The following RGS6 variants were observed in gnomAD, a reference collection of about 807,000 sequenced individuals.
RGS6 encodes the protein regulator of G-protein signaling 6.
A neutral mutation model predicts 78.5 loss-of-function variants in RGS6; 30 were observed. The ratio of observed to expected loss-of-function variants is 0.38; its 90% CI spans 0.29 to 0.52. The LOEUF is 0.52. RGS6 is among the 20% of genes least tolerant of loss of function. RGS6 has a pLI of 0.85. For synonymous variants in RGS6, 206 were observed against 206.0 expected (o/e 1.00, Z 0.00); for missense variants, 495 against 609.7 (o/e 0.81, Z 1.98).
chr14:72,068,093 G>A (rs1472459254), intron 2 of RGS6, among the ~76,000 whole-genome samples: 1 of 151,856 alleles, frequency 6.6e-6, no homozygotes, highest in African/African-American at 2.4e-5. Flanking sequence ...GGGAAAGTGA[G>A]CCCAGATTAC....
intron 2 of RGS6, among the ~76,000 whole-genome samples, chr14:72,147,975 C>CA (rs1264018993): frequency 1.3e-5 from 2 of 151,764 alleles, no homozygotes; most frequent in African/African-American, 2.4e-5. Flanking sequence ...ACTAAAAATA[C>CA]AAAAAATTAG....
chr14:72,058,442 A>C lies in RGS6; in HGVS notation c.84+93567A>C, dbSNP rs1359430482. The stretch of plus-strand genomic sequence containing the variant: ...ATGGTTATTTATCAACATTAAAAAC[A>C]TTCTTTTATATCCATTAATTAATTT... On this transcript the variant is annotated intron_variant, in intron 2 of 17. Coordinates refer to ENST00000553525, the MANE Select transcript of RGS6 (RefSeq NM_001204424.2). Among the ~76,000 whole-genome samples the C allele has an allele frequency of 2.0e-5, 3 of 152,164 alleles. No individual in the cohort carries two copies. In the East Asian group the frequency reaches 5.8e-4, roughly 29 times the overall value.
intron 3 of RGS6, among the ~76,000 whole-genome samples, chr14:72,425,374 A>G (rs1393680412): frequency 6.6e-6 from 1 of 152,152 alleles, no homozygotes; most frequent in African/African-American, 2.4e-5. Flanking sequence ...CCTGACCTCA[A>G]ATGACCCACC....
At chr14:72,263,873 C>T (rs947084445) in intron 2 of RGS6, among the ~76,000 whole-genome samples, 2 of 152,202 alleles carry the variant, frequency 1.3e-5, no homozygotes, top group African/African-American at 4.8e-5. Flanking sequence ...CCTAATGTCA[C>T]CCATCTCATG....
At chr14:72,448,273 A>G (rs1400585129) in intron 3 of RGS6, among the ~76,000 whole-genome samples, 4 of 152,204 alleles carry the variant, frequency 2.6e-5, no homozygotes, top group Non-Finnish European at 5.9e-5. Flanking sequence ...CTTGGTAAGC[A>G]AGTGAGTGTG....
In RGS6 at chr14:72,474,609, G is replaced by T. The variant is rs371502858; in HGVS notation, c.619-16G>T. The T allele has an allele frequency of 3.5e-6, 5 of 1,414,938 alleles. No individual in the cohort carries two copies. The highest frequency in any genetic ancestry group is 2.6e-5 in the East Asian group (1 of 39,032). The allele number at this position is 1,414,938 out of a possible 1,614,324, so 87.6% of individuals were successfully genotyped here. On this transcript the variant is annotated splice_polypyrimidine_tract_variant and intron_variant, in intron 9 of 17. Transcript: ENST00000553525. Reference sequence around the variant, plus strand: ...TTTCACGTAGTAATTTATATGATGTGTTTTTTTTTTCTCAGCCAGGCTGTG... The same window carrying T: ...TTTCACGTAGTAATTTATATGATGTTTTTTTTTTTTCTCAGCCAGGCTGTG...
intron 2 of RGS6, among the ~76,000 whole-genome samples, chr14:72,200,272 T>C (rs2041189353): frequency 6.6e-6 from 1 of 152,190 alleles, no homozygotes; most frequent in Non-Finnish European, 1.5e-5. Context: ...AGAGCTAGCC[T>C]CAGGCTGCAC....
intron 2 of RGS6, among the ~76,000 whole-genome samples, chr14:72,198,522 T>C (rs1156756006): frequency 6.6e-6 from 1 of 152,252 alleles, no homozygotes; most frequent in Admixed American, 6.5e-5. Flanking sequence ...AACAGATTCA[T>C]GGGTTTTCTA....
chr14:72,368,696 T>A (rs1362721888), intron 3 of RGS6, among the ~76,000 whole-genome samples: 1 of 152,234 alleles, frequency 6.6e-6, no homozygotes, highest in Non-Finnish European at 1.5e-5. Context: ...TCCCTGAGAA[T>A]TGCCCAAAGT....
intron 2 of RGS6, among the ~76,000 whole-genome samples, chr14:72,276,774 A>G (rs568423555): frequency 3.3e-5 from 5 of 152,178 alleles, no homozygotes; most frequent in South Asian, 4.1e-4. Context: ...GCCCTGTAGA[A>G]CTGTGAGTCA....
At chr14:72,428,916 A>C (rs2094525979) in intron 3 of RGS6, among the ~76,000 whole-genome samples, 1 of 152,212 alleles carries the variant, frequency 6.6e-6, no homozygotes, top group Non-Finnish European at 1.5e-5. Flanking sequence ...AAGGCTGAGC[A>C]AGCCTGAGAA....
intron 2 of RGS6, among the ~76,000 whole-genome samples, chr14:72,304,042 C>T (rs1278789263): frequency 2.6e-5 from 4 of 152,196 alleles, no homozygotes; most frequent in African/African-American, 9.7e-5. Context: ...ACAGGTTTCA[C>T]CTCCCGGCCA....
the RGS6 span, among the ~76,000 whole-genome samples, chr14:72,603,328 G>A: frequency 6.6e-6 from 1 of 152,214 alleles, no homozygotes; most frequent in Non-Finnish European, 1.5e-5. Context: ...AAAGGCCTAG[G>A]GGCCCAGTCC....
chr14:72,033,807 G>C (rs1426669312), intron 2 of RGS6, among the ~76,000 whole-genome samples: 1 of 152,052 alleles, frequency 6.6e-6, no homozygotes, highest in South Asian at 2.1e-4. Context: ...CTTTTTTTCA[G>C]AACTGCTGTC....
At chr14:72,152,467 G>T (rs1284206404) in intron 2 of RGS6, among the ~76,000 whole-genome samples, 2 of 152,208 alleles carry the variant, frequency 1.3e-5, no homozygotes, top group Admixed American at 6.5e-5. Flanking sequence ...GTACAGGGCT[G>T]TGGGGCAGCA....
chr14:72,186,975 C>T (rs1217690274), intron 2 of RGS6, among the ~76,000 whole-genome samples: 1 of 152,144 alleles, frequency 6.6e-6, no homozygotes, highest in Non-Finnish European at 1.5e-5. Context: ...GTGAAAGGGT[C>T]AGTTTCTCCC....
chr14:71,916,855 G>C, the RGS6 span, among the ~76,000 whole-genome samples: 1 of 152,200 alleles, frequency 6.6e-6, no homozygotes, highest in Non-Finnish European at 1.5e-5. Flanking sequence ...ACTGCATCAG[G>C]ATCCCTGGAT....
intron 2 of RGS6, among the ~76,000 whole-genome samples, chr14:72,190,603 AC>A (rs1224734827): frequency 6.6e-6 from 1 of 152,176 alleles, no homozygotes; most frequent in African/African-American, 2.4e-5. Flanking sequence ...GAGACAGGGC[AC>A]CCTTATGGGG....
the RGS6 span, among the ~76,000 whole-genome samples, chr14:72,593,718 T>A: frequency 6.6e-6 from 1 of 152,150 alleles, no homozygotes; most frequent in Admixed American, 6.5e-5. Flanking sequence ...ACTGTATAAC[T>A]CTTATGATCT....
Sources: allele counts gnomAD v4.1 joint callset (sites outside exome capture counted in the v4.1 genomes callset), GRCh38; gene constraint gnomAD v4.1.1; transcripts MANE v1.5; gene names NCBI Gene and HGNC (gene_info 2026-07-23, HGNC 2026-07-21).